The following CATSPERD variants were observed in gnomAD, a reference collection of about 807,000 sequenced individuals.
The protein encoded by CATSPERD is cation channel sperm-associated auxiliary subunit delta.
CATSPERD carries 86 observed loss-of-function variants against 98.1 expected under a neutral mutation model. The ratio of observed to expected loss-of-function variants is 0.88; its 90% confidence interval spans 0.74 to 1.05. The LOEUF is 1.05. Ranked by LOEUF, CATSPERD falls within the 50% of genes least tolerant of loss-of-function variation. CATSPERD has a pLI of 0.00. For synonymous variants in CATSPERD, 394 were observed against 390.2 expected (o/e 1.01, Z -0.12); for missense variants, 995 against 1,005.7 (o/e 0.99, Z 0.14).
At chr19:5,752,514 G>A (rs528986594) in intron 12 of CATSPERD, among the ~76,000 whole-genome samples, 2 of 152,146 alleles carry the variant, frequency 1.3e-5, no homozygotes, top group African/African-American at 2.4e-5. Flanking sequence ...AACAAAATAA[G>A]AGACAACAAG....
At chr19:5,747,572 GAGA>G (rs1023622358) in intron 9 of CATSPERD, among the ~76,000 whole-genome samples, 6 of 151,176 alleles carry the variant, frequency 4.0e-5, no homozygotes, top group Non-Finnish European at 1.5e-5. Context: ...CTTGCTTATA[GAGA>G]AGATTAACGG....
rs534531838 is a variant in CATSPERD, at chr19:5,757,599, ATTTTTTTTT to A, written c.1279-230_1279-222del. Among the ~76,000 whole-genome samples, 10 of 91,820 alleles carry A rather than the reference ATTTTTTTTT, an allele frequency of 1.1e-4. No homozygotes were observed. The South Asian group carries it at 2.3e-3, about 22-fold the overall frequency. 60.2% of individuals were successfully genotyped at this position (91,820 alleles called of 152,430 possible). A position where few individuals can be genotyped will look rare whatever the true frequency, so the allele number is the denominator to read the frequency against. ...GGCGTGAGCCACCGCGCCTGGCCAA[ATTTTTTTTT>A]TTTTTTTTTTTTTGTAGAGACAGGA... is the stretch of plus-strand genomic sequence containing the variant. On this transcript the variant is annotated intron_variant, in intron 13 of 21. Coordinates refer to ENST00000381624, the MANE Select transcript of CATSPERD (RefSeq NM_152784.4).
Position 5,746,004 on chromosome 19 carries a change from GC to G in CATSPERD, c.751del (p.Gln251ArgfsTer28). ...NGTLDILIAP[G>X]QRGILLLWFE... ...ACTCTAGACATCCTCATCGCCCCCG[GC>G]CAGAGAGGCATCCTGCTCCTATGGT... On this transcript the variant is annotated frameshift_variant, in exon 9 of 22. Transcript: ENST00000381624. LOFTEE classifies it high-confidence loss of function. 1 of 1,614,108 alleles carries G rather than the reference GC, an allele frequency of 6.2e-7. No individual in the cohort carries two copies. Among genetic ancestry groups the G allele is most frequent in the Non-Finnish European group, 8.5e-7 (1 of 1,180,014 alleles).
rs1209763205 is a variant in CATSPERD, at chr19:5,772,865, C to T, written c.1841C>T (p.Ser614Phe). The T allele has an allele frequency of 1.2e-6, 2 of 1,614,110 alleles. No individual in the cohort carries two copies. The highest frequency in any genetic ancestry group is 1.7e-5 in the Admixed American group (1 of 59,986). ...GAGGTGAACGGGCAGTTCTCATACT[C>T]CTATTCCCTGACGGCCCAGTCGGCC... Reference protein sequence around the residue: ...LLEVNGQFSYSYSLTAQSAMC... With the variant: ...LLEVNGQFSYFYSLTAQSAMC... The change falls in exon 20 of 22, where the codon TCC (serine) becomes TTC (phenylalanine). Residue 614 changes from serine (S) to phenylalanine (F), a missense_variant. This residue lies in a region of CATSPERD where 762 missense variants were observed against 773.7 expected (regional missense o/e 0.98). Coordinates refer to ENST00000381624, the MANE Select transcript of CATSPERD (RefSeq NM_152784.4).
chr19:5,743,694 CTCTCTCTCTCTCTG>C (rs1366601789), intron 7 of CATSPERD, among the ~76,000 whole-genome samples: 2,406 of 148,486 alleles, frequency 0.016, 26 homozygotes, highest in African/African-American at 0.026. Context: ...CTCTCTCTCT[CTCTCTCTCTCTCTG>C]TCTCTGTCTC....
chr19:5,742,110 A>C (rs1475114348), intron 7 of CATSPERD, among the ~76,000 whole-genome samples: 3 of 151,964 alleles, frequency 2.0e-5, no homozygotes, highest in African/African-American at 4.8e-5. Context: ...AATTATTACT[A>C]AAATAGCGTT....
intron 5 of CATSPERD, 91 bp from the exon 6 acceptor site, chr19:5,737,046 GA>G (rs2055860986): frequency 5.4e-6 from 4 of 736,864 alleles, no homozygotes; most frequent in Non-Finnish European, 6.8e-6. Flanking sequence ...GACAGAGCAA[GA>G]CTCTGTCTCA....
chr19:5,768,691 C>T lies in CATSPERD; in HGVS notation c.1634+449C>T, dbSNP rs1246144328. 4.6e-5 allele frequency among the ~76,000 whole-genome samples: 7 copies of T among 152,120 alleles called. 1 individual carries two copies. In the East Asian group the frequency reaches 7.8e-4, roughly 17 times the overall value. ...CCCTGTGGCCCAGGCTGGAGTGCAG[C>T]GATGCGATCATAGCTCACCACAGCC... On this transcript the variant is annotated intron_variant, in intron 18 of 21. Transcript: ENST00000381624.
At chr19:5,759,283 T>C (rs1348197442) in intron 15 of CATSPERD, 139 bp downstream of exon 15, 1 of 807,802 alleles carries the variant, frequency 1.2e-6, no homozygotes, top group Admixed American at 2.0e-5. Context: ...TTACAAGAGC[T>C]GGGCGCGGTG....
rs1239113682 is a variant in CATSPERD, at chr19:5,741,801, G to A, written c.573+2362G>A. Among the ~76,000 whole-genome samples the A allele has an allele frequency of 1.4e-4, 13 of 89,958 alleles. 1 individual carries two copies. The highest frequency in any genetic ancestry group is 5.3e-4 in the African/African-American group (13 of 24,612). 59.0% of individuals were successfully genotyped at this position (89,958 alleles called of 152,430 possible). On this transcript the variant is annotated intron_variant, in intron 7 of 21. Transcript: ENST00000381624. ...TGCTGAAGGCGGGGGGGGGGGGGTG[G>A]TGTGGATCACTTGAGGTCAGGAGTT...
intron 4 of CATSPERD, among the ~76,000 whole-genome samples, chr19:5,731,718 G>A (rs2055728003): frequency 6.7e-6 from 1 of 149,726 alleles, no homozygotes; most frequent in Non-Finnish European, 1.5e-5. Flanking sequence ...TGGGACTACA[G>A]GCGCCCGCCA....
intron 15 of CATSPERD, among the ~76,000 whole-genome samples, 174 bp from the exon 16 acceptor site, chr19:5,763,041 G>C (rs963349450): frequency 2.0e-5 from 3 of 151,470 alleles, no homozygotes; most frequent in African/African-American, 7.3e-5. Flanking sequence ...GAGATGGAAG[G>C]GTGGATGGAT....
At chr19:5,723,204 A>T (rs1158310965) in intron 1 of CATSPERD, among the ~76,000 whole-genome samples, 1 of 151,314 alleles carries the variant, frequency 6.6e-6, no homozygotes, top group Non-Finnish European at 1.5e-5. Context: ...AAAAAAAGAA[A>T]AAGAAAAAGA....
intron 8 of CATSPERD, 87 bp from the exon 9 acceptor site, chr19:5,745,826 T>C: frequency 7.2e-7 from 1 of 1,393,724 alleles, no homozygotes; most frequent in Non-Finnish European, 9.7e-7. Context: ...CTGCACCTGC[T>C]AGCCAGACTC....
chr19:5,741,790 G>GT lies in CATSPERD; in HGVS notation c.573+2351_573+2352insT, dbSNP rs1044176836. 6.2e-5 allele frequency among the ~76,000 whole-genome samples: 6 copies of GT among 96,862 alleles called. No individual in the cohort carries two copies. The East Asian group carries it at 7.1e-4, about 12-fold the overall frequency. The allele number at this position is 96,862 out of a possible 152,430, so 63.5% of individuals were successfully genotyped here. On this transcript the variant is annotated intron_variant, in intron 7 of 21. Coordinates refer to ENST00000381624, the MANE Select transcript of CATSPERD (RefSeq NM_152784.4). Reference sequence around the variant, plus strand: ...GCACTTTGGGATGCTGAAGGCGGGGGGGGGGGGGTGGTGTGGATCACTTGA... The same window carrying GT: ...GCACTTTGGGATGCTGAAGGCGGGGGTGGGGGGGGTGGTGTGGATCACTTGA...
chr19:5,726,854 T>C (rs1357151528), intron 2 of CATSPERD, among the ~76,000 whole-genome samples: 2 of 152,174 alleles, frequency 1.3e-5, no homozygotes, highest in African/African-American at 4.8e-5. Flanking sequence ...ACATTCCACC[T>C]ACCTAATTCA....
chr19:5,732,904 T>C (rs1209504980), intron 4 of CATSPERD, among the ~76,000 whole-genome samples: 1 of 152,040 alleles, frequency 6.6e-6, no homozygotes, highest in Non-Finnish European at 1.5e-5. Context: ...ATTGAACTCT[T>C]AACCTTGAGT....
At chr19:5,777,265 G>A (rs147693523) in intron 21 of CATSPERD, among the ~76,000 whole-genome samples, 64 of 152,120 alleles carry the variant, frequency 4.2e-4, no homozygotes, top group African/African-American at 1.3e-3. Flanking sequence ...GATCAGCTCC[G>A]GGGTGGCAGC....
chr19:5,750,747 A>C (rs138144896), intron 11 of CATSPERD, among the ~76,000 whole-genome samples: 1 of 151,668 alleles, frequency 6.6e-6, no homozygotes, highest in African/African-American at 2.4e-5. Flanking sequence ...AAAAAGAAAA[A>C]AATAATAATT....
Sources: allele counts gnomAD v4.1 joint callset (sites outside exome capture counted in the v4.1 genomes callset), GRCh38; gene constraint gnomAD v4.1.1; regional missense constraint gnomAD v4.1.1; transcripts MANE v1.5; gene names NCBI Gene and HGNC (gene_info 2026-07-23, HGNC 2026-07-21).